The following IL12RB2 variants were observed in gnomAD, a reference collection of about 807,000 sequenced individuals.
IL12RB2 encodes interleukin 12 receptor subunit beta 2.
Under a neutral mutation model 89.4 loss-of-function variants are expected in IL12RB2, and 82 were observed. The observed-to-expected ratio is 0.92, with a 90% CI of 0.77 to 1.10. The LOEUF (loss-of-function observed/expected upper bound fraction) is 1.10, where lower values mean the gene tolerates loss of function less well. Ranked by LOEUF, IL12RB2 falls within the 50% of genes least tolerant of loss-of-function variation. The pLI is 0.00. For synonymous variants in IL12RB2, 368 were observed against 370.1 expected (o/e 0.99, Z 0.07); for missense variants, 963 against 1,031.9 (o/e 0.93, Z 0.92).
intron 9 of IL12RB2, among the ~76,000 whole-genome samples, chr1:67,345,514 G>T (rs550081295): frequency 6.6e-6 from 1 of 152,248 alleles, no homozygotes; most frequent in Non-Finnish European, 1.5e-5. Context: ...GTATTATTTG[G>T]GACCTGATTT....
intron 10 of IL12RB2, among the ~76,000 whole-genome samples, chr1:67,353,974 T>G (rs557794550): frequency 1.6e-4 from 25 of 152,368 alleles, no homozygotes; most frequent in South Asian, 8.3e-4. Flanking sequence ...TCTACTTTAT[T>G]CATTCAACAG....
In IL12RB2 at chr1:67,397,600, C is replaced by T. The variant is rs981750309; in HGVS notation, c.*1511C>T. Among the ~76,000 whole-genome samples, 2 of 152,252 alleles carry T rather than the reference C, an allele frequency of 1.3e-5. No homozygotes were observed. The highest frequency in any genetic ancestry group is 4.8e-5 in the African/African-American group (2 of 41,466). The stretch of plus-strand genomic sequence containing the variant: ...TGCTCTTTAAAGCTGTGGCCCCTGG[C>T]TTGCCACCCTCCCTAGCCCATTGCT... On this transcript the variant is annotated 3_prime_UTR_variant, in exon 17 of 17. Transcript: ENST00000674203.
At chr1:67,335,828 G>A (rs996373321) in intron 8 of IL12RB2, among the ~76,000 whole-genome samples, 5 of 152,142 alleles carry the variant, frequency 3.3e-5, no homozygotes, top group Middle Eastern at 3.2e-3. Context: ...GACTCATGCA[G>A]ATTCAACTAA....
intron 5 of IL12RB2, 103 bp downstream of exon 5, chr1:67,326,952 T>G: frequency 1.4e-6 from 1 of 735,300 alleles, no homozygotes; most frequent in Non-Finnish European, 1.7e-6. Context: ...ATTTTATTTA[T>G]TTATTTATTT....
rs557401096 is a variant in IL12RB2, at chr1:67,386,845, C to T, written c.1946+176C>T. Among the ~76,000 whole-genome samples the T allele has an allele frequency of 1.2e-4, 17 of 138,458 alleles. No homozygotes were observed. In the South Asian group the frequency reaches 3.0e-3, roughly 24 times the overall value. The allele number at this position is 138,458 out of a possible 152,430, so 90.8% of individuals were successfully genotyped here. On this transcript the variant is annotated intron_variant, in intron 15 of 16. Coordinates refer to ENST00000674203, the MANE Select transcript of IL12RB2 (RefSeq NM_001374259.2). ...AATCCTTAAAAATATATCTTTTGAT[C>T]TAACAATCTCTAACTAGAAATGTAT...
intron 9 of IL12RB2, 89 bp from the exon 10 acceptor site, chr1:67,350,781 C>T: frequency 1.3e-6 from 2 of 1,571,926 alleles, no homozygotes; most frequent in Non-Finnish European, 1.7e-6. Context: ...GCTGTAGCTG[C>T]CTAGTACATC....
intron 10 of IL12RB2, among the ~76,000 whole-genome samples, chr1:67,365,150 T>C (rs1156790156): frequency 6.6e-6 from 1 of 152,142 alleles, no homozygotes; most frequent in African/African-American, 2.4e-5. Context: ...GCAAAATCAG[T>C]GCTTAGAGGA....
At chr1:67,357,801 A>G (rs1172700392) in intron 10 of IL12RB2, among the ~76,000 whole-genome samples, 1 of 152,228 alleles carries the variant, frequency 6.6e-6, no homozygotes, top group Non-Finnish European at 1.5e-5. Flanking sequence ...TAAATTAGTG[A>G]GAGGAAGACT....
At position 67,395,672 on chromosome 1, in the gene IL12RB2, C is replaced by T; in HGVS notation, c.2172C>T (p.Ser724=). The change falls in exon 17 of 17, where the codon TCC becomes TCT. Residue 724 remains serine (S), a synonymous_variant. Coordinates refer to ENST00000674203, the MANE Select transcript of IL12RB2 (RefSeq NM_001374259.2). ...VTPVFRHPPC[S]NWPQREKGIQ... is the part of the protein sequence containing the mutation. ...CAGTTTTCAGACATCCCCCCTGCTC[C>T]AACTGGCCACAAAGGGAAAAAGGAA... 1 of 1,614,208 alleles carries T rather than the reference C, an allele frequency of 6.2e-7. No homozygotes were observed. The highest frequency in any genetic ancestry group is 8.5e-7 in the Non-Finnish European group (1 of 1,180,026).
At chr1:67,319,670 G>A (rs1656239153) in intron 2 of IL12RB2, among the ~76,000 whole-genome samples, 1 of 152,186 alleles carries the variant, frequency 6.6e-6, no homozygotes, top group Admixed American at 6.5e-5. Flanking sequence ...GACAGGTTAA[G>A]CAACTTGCAC....
intron 9 of IL12RB2, among the ~76,000 whole-genome samples, chr1:67,338,912 C>T (rs1475213808): frequency 6.6e-6 from 1 of 152,134 alleles, no homozygotes; most frequent in African/African-American, 2.4e-5. Context: ...GTTTCAATCC[C>T]ACTTCCTATA....
At chr1:67,385,720 A>G (rs1236458063) in intron 14 of IL12RB2, among the ~76,000 whole-genome samples, 1 of 152,234 alleles carries the variant, frequency 6.6e-6, no homozygotes, top group Non-Finnish European at 1.5e-5. Context: ...AATAGGCACA[A>G]TTTCAAACAT....
chr1:67,351,604 C>CTGGG (rs1272340160), intron 10 of IL12RB2, among the ~76,000 whole-genome samples: 4 of 152,190 alleles, frequency 2.6e-5, no homozygotes, highest in Non-Finnish European at 5.9e-5. Context: ...CCACGCCAGT[C>CTGGG]TGGGCCTCAC....
chr1:67,359,669 C>G (rs754328113), intron 10 of IL12RB2, among the ~76,000 whole-genome samples: 3 of 151,996 alleles, frequency 2.0e-5, no homozygotes, highest in Non-Finnish European at 4.4e-5. Flanking sequence ...TTGCAGTGAG[C>G]CAAGATCATG....
At chr1:67,329,080 A>G (rs1234396012) in intron 6 of IL12RB2, among the ~76,000 whole-genome samples, 1 of 152,124 alleles carries the variant, frequency 6.6e-6, no homozygotes, top group Non-Finnish European at 1.5e-5. Flanking sequence ...GGCATTTACT[A>G]TACACTTTTC....
chr1:67,319,014 T>G (rs1376253440), intron 2 of IL12RB2, among the ~76,000 whole-genome samples: 1 of 152,182 alleles, frequency 6.6e-6, no homozygotes, highest in Non-Finnish European at 1.5e-5. Flanking sequence ...ATGGCTAGGC[T>G]AGAGGTAGAG....
Position 67,372,833 on chromosome 1 carries a change from C to T in IL12RB2, c.1717+50C>T, listed in dbSNP as rs1448887264. The stretch of plus-strand genomic sequence containing the variant: ...GAGTGGGGCCTTCTTGTTTGGATGT[C>T]AGGAAAACACAAGGAGGTGTGTGTG... On this transcript the variant is annotated intron_variant, in intron 13 of 16. Coordinates refer to ENST00000674203, the MANE Select transcript of IL12RB2 (RefSeq NM_001374259.2). 3 of 1,262,158 alleles carry T rather than the reference C, an allele frequency of 2.4e-6. No individual in the cohort carries two copies. The African/African-American group carries it at 4.4e-5, about 19-fold the overall frequency. The allele number at this position is 1,262,158 out of a possible 1,614,324, so 78.2% of individuals were successfully genotyped here.
At position 67,396,237 on chromosome 1, in the gene IL12RB2, G is replaced by T; in HGVS notation, c.*148G>T. On this transcript the variant is annotated 3_prime_UTR_variant, in exon 17 of 17. Transcript: ENST00000674203. ...GAGGACAGGCAAGCCAGCTCTGGGG[G>T]AGTCTTAGGAACTGGGAGTTGGTCT... The T allele has an allele frequency of 1.3e-6, 1 of 748,550 alleles. No individual in the cohort carries two copies. Among genetic ancestry groups the T allele is most frequent in the Non-Finnish European group, 2.4e-6 (1 of 410,636 alleles). 46.4% of individuals were successfully genotyped at this position (748,550 alleles called of 1,614,324 possible).
intron 10 of IL12RB2, among the ~76,000 whole-genome samples, chr1:67,354,320 A>G (rs1429435546): frequency 6.6e-6 from 1 of 152,174 alleles, no homozygotes; most frequent in East Asian, 1.9e-4. Context: ...AGGACTTGAA[A>G]GGAAGAACCA....
Sources: gnomAD v4.1 joint callset for allele counts (sites outside exome capture counted in the v4.1 genomes callset) on GRCh38, gnomAD v4.1.1 for gene constraint, MANE v1.5 for transcripts, NCBI Gene and HGNC (gene_info 2026-07-23, HGNC 2026-07-21) for gene names.